Variants in NDUFA9 observed in about 807,000 individuals in gnomAD.
NDUFA9 encodes the protein NADH:ubiquinone oxidoreductase subunit A9, also known as NADH dehydrogenase [ubiquinone] 1 alpha subcomplex subunit 9, mitochondrial.
A neutral mutation model predicts 45.9 loss-of-function variants in NDUFA9; 23 were observed. The observed-to-expected ratio is 0.50, with a 90% CI of 0.36 to 0.71. The LOEUF (loss-of-function observed/expected upper bound fraction) is 0.71. NDUFA9 is among the 30% of genes least tolerant of loss of function. The probability of loss-of-function intolerance (pLI) is 0.00; values close to 1 mark genes in which losing one functional copy is unlikely to be tolerated. For synonymous variants in NDUFA9, 176 were observed against 170.5 expected (o/e 1.03, Z -0.25); for missense variants, 466 against 488.2 (o/e 0.95, Z 0.43).
Position 4,654,459 on chromosome 12 carries a change from C to T in NDUFA9, c.217C>T (p.Leu73Phe). 1 of 1,613,932 alleles carries T rather than the reference C, an allele frequency of 6.2e-7. No individual in the cohort carries two copies. The highest frequency in any genetic ancestry group is 2.2e-5 in the East Asian group (1 of 44,866). Residue 73 changes from leucine (L) to phenylalanine (F), a missense_variant, in exon 2 of 11, where the codon CTT becomes TTT. Physicochemically the swap from Leu to Phe is conservative, Grantham distance 22. Coordinates refer to ENST00000266544, the MANE Select transcript of NDUFA9 (RefSeq NM_005002.5). Reference protein sequence around the residue: ...GFLGRYVVNHLGRMGSQVIIP... With the variant: ...GFLGRYVVNHFGRMGSQVIIP... ...CCTGGGGCGATATGTTGTCAACCACCTTGGTAAGTAAAGTTCCTTAAGTTC... is the reference window on the plus strand; with the variant it reads ...CCTGGGGCGATATGTTGTCAACCACTTTGGTAAGTAAAGTTCCTTAAGTTC...
chr12:4,682,176 T>C lies in NDUFA9; in HGVS notation c.801-29T>C, dbSNP rs759813078. The stretch of plus-strand genomic sequence containing the variant: ...GGAAACTTTGTGAGAAGCGTGTAAT[T>C]GAAAGAACTGTGTATTGTCTTTTTA... On this transcript the variant is annotated intron_variant, in intron 8 of 10. Coordinates refer to ENST00000266544, the MANE Select transcript of NDUFA9 (RefSeq NM_005002.5). 7 of 1,511,036 alleles carry C rather than the reference T, an allele frequency of 4.6e-6. 1 individual carries two copies. The highest frequency in any genetic ancestry group is 1.2e-5 in the South Asian group (1 of 82,932). 93.6% of individuals were successfully genotyped at this position (1,511,036 alleles called of 1,614,324 possible). A position where few individuals can be genotyped will look rare whatever the true frequency, so the allele number is the denominator to read the frequency against.
chr12:4,656,960 T>C (rs1945794192), intron 3 of NDUFA9, among the ~76,000 whole-genome samples: 1 of 152,238 alleles, frequency 6.6e-6, no homozygotes, highest in African/African-American at 2.4e-5. Flanking sequence ...TTTTATAGTT[T>C]GTTTTCTCTT....
rs147859397 is a variant in NDUFA9, at chr12:4,681,548, C to T, written c.801-657C>T. On this transcript the variant is annotated intron_variant, in intron 8 of 10. Coordinates refer to ENST00000266544, the MANE Select transcript of NDUFA9 (RefSeq NM_005002.5). ...TTTATTTTCTTATGACAACTCATTT[C>T]GGGTGGAGGGGGCATTCTTATATAT... is the stretch of plus-strand genomic sequence containing the variant. 3.4e-3 allele frequency among the ~76,000 whole-genome samples: 505 copies of T among 147,580 alleles called. 5 individuals carry two copies. The highest frequency in any genetic ancestry group is 0.011 in the African/African-American group (462 of 40,484).
intron 6 of NDUFA9, 120 bp from the exon 7 acceptor site, chr12:4,668,337 A>T (rs564391848): frequency 1.2e-6 from 1 of 805,634 alleles, no homozygotes; most frequent in African/African-American, 1.7e-5. Flanking sequence ...ACTTCCTCAG[A>T]GTCAGCTACA....
intron 1 of NDUFA9, among the ~76,000 whole-genome samples, chr12:4,650,631 A>G (rs1020467035): frequency 6.6e-6 from 1 of 152,224 alleles, no homozygotes; most frequent in Non-Finnish European, 1.5e-5. Flanking sequence ...GTGTAAGACA[A>G]CTATATATAG....
At chr12:4,670,693 T>C (rs1466096722) in intron 8 of NDUFA9, among the ~76,000 whole-genome samples, 1 of 152,244 alleles carries the variant, frequency 6.6e-6, no homozygotes, top group Non-Finnish European at 1.5e-5. Flanking sequence ...TGGTTTTCCA[T>C]GTCAACTAGC....
chr12:4,654,769 A>G (rs1444162655), intron 2 of NDUFA9, 56 bp from the exon 3 acceptor site: 3 of 1,307,022 alleles, frequency 2.3e-6, no homozygotes, highest in Admixed American at 2.1e-5. Flanking sequence ...TCACAATTGT[A>G]TAATATATCC....
At chr12:4,668,335 A>G in intron 6 of NDUFA9, 122 bp from the exon 7 acceptor site, 3 of 794,148 alleles carry the variant, frequency 3.8e-6, no homozygotes, top group African/African-American at 1.7e-5. Context: ...TCACTTCCTC[A>G]GAGTCAGCTA....
intron 6 of NDUFA9, among the ~76,000 whole-genome samples, chr12:4,663,157 T>C (rs1945833535): frequency 6.6e-6 from 1 of 152,216 alleles, no homozygotes; most frequent in Admixed American, 6.5e-5. Context: ...CATAGCTTGA[T>C]AGCTCATTTC....
chr12:4,662,799 T>C (rs1277021854), intron 6 of NDUFA9, among the ~76,000 whole-genome samples, 164 bp downstream of exon 6: 3 of 152,214 alleles, frequency 2.0e-5, no homozygotes, highest in African/African-American at 7.2e-5. Context: ...ATGTAGTCTT[T>C]GTTATATTCC....
chr12:4,677,228 G>C (rs1945925338), intron 8 of NDUFA9, among the ~76,000 whole-genome samples: 1 of 152,170 alleles, frequency 6.6e-6, no homozygotes, highest in Non-Finnish European at 1.5e-5. Flanking sequence ...TACCATTCAG[G>C]ACATAGGCAT....
chr12:4,672,792 TG>T (rs1945895205), intron 8 of NDUFA9, among the ~76,000 whole-genome samples: 1 of 152,124 alleles, frequency 6.6e-6, no homozygotes, highest in Non-Finnish European at 1.5e-5. Context: ...AAGGGGCAGT[TG>T]GGGGTGCAGC....
intron 5 of NDUFA9, among the ~76,000 whole-genome samples, chr12:4,661,900 A>G (rs1945825179): frequency 6.6e-6 from 1 of 152,062 alleles, no homozygotes; most frequent in Admixed American, 6.6e-5. Context: ...GGTGGAAGGA[A>G]GAGGAGGTCG....
chr12:4,658,754 T>G (rs1945806116), intron 4 of NDUFA9, among the ~76,000 whole-genome samples: 1 of 152,174 alleles, frequency 6.6e-6, no homozygotes, highest in Admixed American at 6.5e-5. Flanking sequence ...TTAAAAATTT[T>G]TTTTCTTTTT....
In NDUFA9 at chr12:4,654,317, A is replaced by G; in HGVS notation, c.75A>G (p.Thr25=). The G allele has an allele frequency of 6.2e-7, 1 of 1,614,160 alleles. No individual in the cohort carries two copies. Among genetic ancestry groups the G allele is most frequent in the Middle Eastern group, 1.6e-4 (1 of 6,062 alleles). ...GTTCTGCCATTACTGCAATAGCCAC[A>G]TCTGTGTGTCACGGCCCACCCTGTC... The part of the protein sequence containing the change: ...MSRSAITAIA[T]SVCHGPPCRQ... The change falls in exon 2 of 11, where the codon ACA becomes ACG. Residue 25 remains threonine, a synonymous_variant. Coordinates refer to ENST00000266544, the MANE Select transcript of NDUFA9 (RefSeq NM_005002.5).
At chr12:4,649,474 G>T (rs1945741872) in intron 1 of NDUFA9, among the ~76,000 whole-genome samples, 1 of 151,988 alleles carries the variant, frequency 6.6e-6, no homozygotes, top group Admixed American at 6.5e-5. Flanking sequence ...GGTTGTAAGG[G>T]TTTAGGGTTA....
At chr12:4,665,752 T>TG in intron 6 of NDUFA9, among the ~76,000 whole-genome samples, 1 of 152,010 alleles carries the variant, frequency 6.6e-6, no homozygotes, top group South Asian at 2.1e-4. Flanking sequence ...TTCTGTTTTT[T>TG]TTTTTTTTTA....
intron 8 of NDUFA9, among the ~76,000 whole-genome samples, chr12:4,670,043 C>T (rs1378771749): frequency 1.3e-5 from 2 of 152,106 alleles, no homozygotes; most frequent in Non-Finnish European, 2.9e-5. Flanking sequence ...ATACTTAGTC[C>T]AGTGACCCTT....
rs2240760 is a variant in NDUFA9 at position 4,685,185 on chromosome 12, A to G, written c.897-74A>G. ...GCTCTACAGCGGTCTGTCTTCCTGC[A>G]GTTCTCATAGGCTAGCTTACATCTT... On this transcript the variant is annotated intron_variant, in intron 9 of 10. Coordinates refer to ENST00000266544, the MANE Select transcript of NDUFA9 (RefSeq NM_005002.5). The G allele has an allele frequency of 0.32, 414,010 of 1,300,966 alleles. 70,648 individuals are homozygous for G. The highest frequency in any genetic ancestry group is 0.55 in the South Asian group (46,711 of 84,288). The allele number at this position is 1,300,966 out of a possible 1,614,324, so 80.6% of individuals were successfully genotyped here.
Sources: allele counts gnomAD v4.1 joint callset (sites outside exome capture counted in the v4.1 genomes callset), GRCh38; gene constraint gnomAD v4.1.1; transcripts MANE v1.5; gene names NCBI Gene and HGNC (gene_info 2026-07-23, HGNC 2026-07-21).